The following CPA6 variants were observed in gnomAD, a reference collection of about 807,000 sequenced individuals.
CPA6 encodes carboxypeptidase B.
A neutral mutation model predicts 63.3 loss-of-function variants in CPA6; 58 were observed. That is an observed-to-expected ratio of 0.92 (90% CI 0.74 to 1.14). The LOEUF (loss-of-function observed/expected upper bound fraction) is 1.14, where lower values mean the gene tolerates loss of function less well. Among genes scored for constraint, CPA6 ranks in the 50% most tolerant of loss-of-function variants. The probability of loss-of-function intolerance (pLI) is 0.00; values close to 1 mark genes in which losing one functional copy is unlikely to be tolerated. For synonymous variants in CPA6, 185 were observed against 179.0 expected (o/e 1.03, Z -0.27); for missense variants, 565 against 526.6 (o/e 1.07, Z -0.71).
intron 8 of CPA6, among the ~76,000 whole-genome samples, chr8:67,475,928 TTCTTTCTC>T (rs761742594): frequency 1.1e-5 from 1 of 93,072 alleles, no homozygotes; most frequent in African/African-American, 5.1e-5. Flanking sequence ...CTTTCTTTCT[TTCTTTCTC>T]TTTCTTTCTC....
At chr8:67,578,341 T>C (rs1384466149) in intron 2 of CPA6, among the ~76,000 whole-genome samples, 1 of 152,248 alleles carries the variant, frequency 6.6e-6, no homozygotes, top group Non-Finnish European at 1.5e-5. Context: ...AGATCTAAAA[T>C]GAATGATGCG....
At chr8:67,689,274 C>CAAAA (rs145407385) in intron 1 of CPA6, among the ~76,000 whole-genome samples, 70,133 of 151,322 alleles carry the variant, frequency 0.46, 19,201 homozygotes, top group African/African-American at 0.78. Context: ...ACTTCTTCTT[C>CAAAA]AAAAAAATTC....
intron 2 of CPA6, among the ~76,000 whole-genome samples, chr8:67,589,933 C>A (rs1333909732): frequency 6.6e-6 from 1 of 151,658 alleles, no homozygotes; most frequent in Admixed American, 6.6e-5. Context: ...TACATGTGCA[C>A]AATGTGCAGG....
In CPA6 at chr8:67,599,951, G is replaced by A. The variant is rs566319349; in HGVS notation, c.192+24225C>T. ...TTAACAAAGGAACTGACTTCAGAAA[G>A]ATGGTAGAAACTAGATTTCTTCTGA... On this transcript the variant is annotated intron_variant, in intron 2 of 10. Transcript: ENST00000297770. 1.6e-4 allele frequency among the ~76,000 whole-genome samples: 24 copies of A among 152,210 alleles called. No individual in the cohort carries two copies. The South Asian group carries it at 5.0e-3, about 32-fold the overall frequency.
intron 8 of CPA6, among the ~76,000 whole-genome samples, chr8:67,444,229 C>T (rs1810362920): frequency 6.6e-6 from 1 of 151,910 alleles, no homozygotes; most frequent in Non-Finnish European, 1.5e-5. Flanking sequence ...ACCTCGTGAT[C>T]TGCCCGCCTC....
intron 8 of CPA6, among the ~76,000 whole-genome samples, chr8:67,473,139 A>C (rs1811101156): frequency 6.6e-6 from 1 of 152,240 alleles, no homozygotes; most frequent in African/African-American, 2.4e-5. Context: ...AATAGCTCTG[A>C]ATAGGAAGAG....
intron 1 of CPA6, among the ~76,000 whole-genome samples, chr8:67,659,373 C>T (rs935319301): frequency 3.3e-5 from 5 of 152,124 alleles, no homozygotes; most frequent in Admixed American, 6.5e-5. Context: ...GCTATATATG[C>T]GTAACTCAGC....
intron 2 of CPA6, among the ~76,000 whole-genome samples, chr8:67,521,695 A>G (rs1812261358): frequency 6.6e-6 from 1 of 152,192 alleles, no homozygotes; most frequent in Non-Finnish European, 1.5e-5. Flanking sequence ...AGAGATTAAA[A>G]CCTAGAGATG....
At chr8:67,650,121 A>G (rs1287927408) in intron 1 of CPA6, among the ~76,000 whole-genome samples, 24 of 152,038 alleles carry the variant, frequency 1.6e-4, no homozygotes, top group Admixed American at 1.5e-3. Flanking sequence ...CCTTTCCTGG[A>G]GGAAAGATTG....
At position 67,517,940 on chromosome 8, in the gene CPA6, T is replaced by G; in HGVS notation, c.300A>C (p.Glu100Asp). The change falls in exon 3 of 11, where the codon GAA becomes GAC. Residue 100 changes from glutamate to aspartate, a missense_variant. Transcript: ENST00000297770. Reference sequence around the variant, plus strand: ...ATGCTTACTTGTACTGGATGTTGGCTTCCTGTAAGAAGGCTAACAGGGCTC... The same window carrying G: ...ATGCTTACTTGTACTGGATGTTGGCGTCCTGTAAGAAGGCTAACAGGGCTC... ...GSRALLAFLQ[E>D]ANIQYKVLIE... 1.9e-6 allele frequency: 3 copies of G among 1,611,528 alleles called. No homozygotes were observed. Among genetic ancestry groups the G allele is most frequent in the East Asian group, 2.2e-5 (1 of 44,836 alleles).
At chr8:67,494,014 T>C (rs1234520737) in intron 6 of CPA6, among the ~76,000 whole-genome samples, 1 of 152,088 alleles carries the variant, frequency 6.6e-6, no homozygotes, top group Non-Finnish European at 1.5e-5. Context: ...TGTAACTGAG[T>C]TTAGTTTTAA....
chr8:67,726,038 C>G (rs920269750), intron 1 of CPA6, among the ~76,000 whole-genome samples: 14 of 152,096 alleles, frequency 9.2e-5, no homozygotes, highest in Admixed American at 2.6e-4. Flanking sequence ...CATTCCTTAA[C>G]CAGAAGCCTG....
At chr8:67,602,266 C>T (rs955998475) in intron 2 of CPA6, among the ~76,000 whole-genome samples, 1 of 152,048 alleles carries the variant, frequency 6.6e-6, no homozygotes, top group African/African-American at 2.4e-5. Flanking sequence ...TATCTGTTAT[C>T]TTCTTGGATT....
intron 1 of CPA6, among the ~76,000 whole-genome samples, chr8:67,631,432 C>T (rs548501490): frequency 8.5e-5 from 13 of 152,276 alleles, no homozygotes; most frequent in African/African-American, 2.9e-4. Flanking sequence ...GGTTTGTAAA[C>T]ACACCAATCA....
chr8:67,605,342 C>A (rs1587624747), intron 2 of CPA6, among the ~76,000 whole-genome samples: 1 of 152,104 alleles, frequency 6.6e-6, no homozygotes, highest in Non-Finnish European at 1.5e-5. Context: ...GGTTCTAGGG[C>A]CCCCATGGAT....
chr8:67,659,235 C>T (rs1465548812), intron 1 of CPA6, among the ~76,000 whole-genome samples: 1 of 152,152 alleles, frequency 6.6e-6, no homozygotes, highest in African/African-American at 2.4e-5. Flanking sequence ...CAAATGGAAG[C>T]AGATACATAA....
chr8:67,514,734 C>A (rs1212349169), intron 3 of CPA6, among the ~76,000 whole-genome samples: 1 of 152,120 alleles, frequency 6.6e-6, no homozygotes, highest in East Asian at 1.9e-4. Context: ...CCGGTATATT[C>A]TTTTCTACTG....
chr8:67,632,865 C>G (rs1274626735), intron 1 of CPA6, among the ~76,000 whole-genome samples: 1 of 152,124 alleles, frequency 6.6e-6, no homozygotes, highest in Non-Finnish European at 1.5e-5. Flanking sequence ...TATTCAAGTT[C>G]TAGAAATAGT....
intron 2 of CPA6, among the ~76,000 whole-genome samples, chr8:67,595,134 C>G (rs1400264730): frequency 6.6e-6 from 1 of 152,154 alleles, no homozygotes; most frequent in Non-Finnish European, 1.5e-5. Flanking sequence ...TTGGAGTTTG[C>G]TAGAGGTCCA....
Sources: allele counts gnomAD v4.1 joint callset (sites outside exome capture counted in the v4.1 genomes callset), GRCh38; gene constraint gnomAD v4.1.1; transcripts MANE v1.5; gene names NCBI Gene and HGNC (gene_info 2026-07-23, HGNC 2026-07-21).